The following PCNX2 variants were observed in gnomAD, a reference collection of about 807,000 sequenced individuals.
PCNX2 encodes the protein pecanex-like protein 2.
PCNX2 carries 168 observed loss-of-function variants against 223.8 expected under a neutral mutation model. That is an observed-to-expected ratio of 0.75 (90% CI 0.66 to 0.85). The LOEUF is 0.85. Among genes scored for constraint, PCNX2 ranks in the 40% least tolerant of loss-of-function variants. The pLI is 0.00. For synonymous variants in PCNX2, 1,006 were observed against 1,052.6 expected, an observed-to-expected ratio of 0.96 and a Z score of 0.86; for missense variants, 2,507 against 2,675.5, an observed-to-expected ratio of 0.94 and a Z score of 1.39.
At chr1:233,046,561 T>C (rs1027476635) in intron 25 of PCNX2, among the ~76,000 whole-genome samples, 1 of 152,184 alleles carries the variant, frequency 6.6e-6, no homozygotes, top group African/African-American at 2.4e-5. Flanking sequence ...GTGAGTGGTA[T>C]TGGGGCAAGG....
chr1:233,232,764 G>C (rs1658145525), intron 9 of PCNX2: 1 of 969,190 alleles, frequency 1.0e-6, no homozygotes, highest in African/African-American at 1.8e-5. Context: ...TATCTACCTA[G>C]AATAACAGTC....
In PCNX2 at chr1:233,258,372, G is replaced by A. The variant is rs887203460; in HGVS notation, c.1490C>T (p.Thr497Ile). The change falls in exon 5 of 34, where the codon ACA becomes ATA. Residue 497 changes from threonine to isoleucine, a missense_variant. Physicochemically the swap from Thr to Ile is moderately conservative, Grantham distance 89. Around this residue, in one of 3 missense-constraint regions of PCNX2, gnomAD observed 1,031 missense variants for 1,021.7 expected, o/e 1.01. Transcript: ENST00000258229. ...CTTAGACTCGGAGCCTGTATCAGGT[G>A]TAAGCCGGGACACCGATTCCCAGGG... ...REPWESVSRL[T>I]PDTGSESKVG... is the part of the protein sequence containing the mutation. The A allele has an allele frequency of 3.7e-6, 6 of 1,613,888 alleles. No homozygotes were observed. The highest frequency in any genetic ancestry group is 4.5e-5 in the East Asian group (2 of 44,874).
chr1:232,985,749 A>G (rs570377932), intron 33 of PCNX2: 4 of 556,720 alleles, frequency 7.2e-6, no homozygotes, highest in Admixed American at 3.3e-5. Flanking sequence ...GAATCATGTG[A>G]GAAGAGTCCT....
At chr1:233,295,890 CTCTCTCTCTTTT>C (rs1208713008), upstream of PCNX2, among the ~76,000 whole-genome samples, 2 of 151,872 alleles carry the variant, frequency 1.3e-5, no homozygotes, top group Non-Finnish European at 2.9e-5. The surrounding 1 kb of genome is among the most constrained non-coding windows in gnomAD (Gnocchi z 4.1). Context: ...CTCTTTCTTT[CTCTCTCTCTTTT>C]TCCTTCCTCC....
chr1:233,068,159 A>AC (rs1672700176), intron 23 of PCNX2, among the ~76,000 whole-genome samples: 1 of 152,226 alleles, frequency 6.6e-6, no homozygotes, highest in African/African-American at 2.4e-5. Flanking sequence ...GAAATAGCAC[A>AC]ATATGTTTTT....
intron 23 of PCNX2, among the ~76,000 whole-genome samples, chr1:233,059,813 T>C (rs904360489): frequency 2.0e-5 from 3 of 152,238 alleles, no homozygotes; most frequent in Non-Finnish European, 2.9e-5. Context: ...TGACATATTC[T>C]GTATAATTTA....
At chr1:233,118,148 TC>T (rs1319864713) in intron 21 of PCNX2, among the ~76,000 whole-genome samples, 1 of 152,060 alleles carries the variant, frequency 6.6e-6, no homozygotes, top group Non-Finnish European at 1.5e-5. Context: ...CAGAATTACA[TC>T]ACCCAATATA....
chr1:233,227,481 AATT>A, intron 9 of PCNX2, 110 bp from the exon 10 acceptor site: 1 of 965,900 alleles, frequency 1.0e-6, no homozygotes, highest in Non-Finnish European at 1.4e-6. Context: ...TGTACACCAT[AATT>A]TAAAAATACA....
intron 1 of PCNX2, among the ~76,000 whole-genome samples, chr1:233,294,890 AG>A (rs1192826860): frequency 6.6e-6 from 1 of 152,160 alleles, no homozygotes; most frequent in East Asian, 1.9e-4. Context: ...AAAGAAGGTG[AG>A]GGGGGAAAAA....
At chr1:233,224,772 A>C (rs985111494) in intron 10 of PCNX2, among the ~76,000 whole-genome samples, 1 of 152,098 alleles carries the variant, frequency 6.6e-6, no homozygotes, top group African/African-American at 2.4e-5. Context: ...AATCCTGCTA[A>C]CTGATGACTT....
At chr1:233,281,078 G>T (rs981649928) in intron 1 of PCNX2, among the ~76,000 whole-genome samples, 1 of 152,180 alleles carries the variant, frequency 6.6e-6, no homozygotes, top group African/African-American at 2.4e-5. Flanking sequence ...CACAGCAAGT[G>T]TTTTATTGCC....
In PCNX2 at chr1:232,986,175, C is replaced by CT; in HGVS notation, c.6156_6157insA (p.Gly2053ArgfsTer5). ...GATGACTGGGTGTCACTGGTATTGCCCCCCTCCGCAGCAGAGAGTCCGGAA... is the reference window on the plus strand; with the variant it reads ...GATGACTGGGTGTCACTGGTATTGCCTCCCCTCCGCAGCAGAGAGTCCGGAA... On this transcript the variant is annotated frameshift_variant, in exon 33 of 34. Transcript: ENST00000258229. LOFTEE classifies it high-confidence loss of function. 6.4e-7 allele frequency: 1 copy of CT among 1,563,954 alleles called. No individual in the cohort carries two copies. The highest frequency in any genetic ancestry group is 8.7e-7 in the Non-Finnish European group (1 of 1,153,514).
At position 233,177,664 on chromosome 1, in the gene PCNX2, T is replaced by C. The variant is rs545758953; in HGVS notation, c.3273+138A>G. 3.6e-5 allele frequency: 23 copies of C among 645,154 alleles called. No homozygotes were observed. The African/African-American group carries it at 4.1e-4, about 11-fold the overall frequency. The allele number at this position is 645,154 out of a possible 1,614,324, so 40.0% of individuals were successfully genotyped here. A position where few individuals can be genotyped will look rare whatever the true frequency, so the allele number is the denominator to read the frequency against. On this transcript the variant is annotated intron_variant, in intron 17 of 33. Coordinates refer to ENST00000258229, the MANE Select transcript of PCNX2 (RefSeq NM_014801.4). ...CCTGGCAGGCAGCTCAACAGCCCAG[T>C]GTGCCAGGTACCAAGCGAGGTGTAT...
At chr1:233,209,283 C>A (rs1572081895) in intron 12 of PCNX2, among the ~76,000 whole-genome samples, 1 of 152,106 alleles carries the variant, frequency 6.6e-6, no homozygotes, top group Non-Finnish European at 1.5e-5. Context: ...GTGAGGGATA[C>A]CAAATATTTA....
At chr1:233,259,509 A>C (rs892889523) in intron 4 of PCNX2, among the ~76,000 whole-genome samples, 165 bp from the exon 5 acceptor site, 1 of 152,174 alleles carries the variant, frequency 6.6e-6, no homozygotes, top group Non-Finnish European at 1.5e-5. Flanking sequence ...CAGAACATGC[A>C]GGTTTGTTAC....
chr1:233,323,583 A>T, the PCNX2 span, among the ~76,000 whole-genome samples: 4 of 152,174 alleles, frequency 2.6e-5, no homozygotes, highest in African/African-American at 9.7e-5. Flanking sequence ...CATTACTATG[A>T]TATGTATTAT....
intron 23 of PCNX2, among the ~76,000 whole-genome samples, chr1:233,070,945 G>A (rs1298626411): frequency 5.3e-5 from 8 of 152,206 alleles, no homozygotes; most frequent in African/African-American, 2.4e-5. Context: ...GCTGAGGCAG[G>A]AGAATGGGTG....
chr1:233,077,575 CTCTT>C (rs1396787967), intron 23 of PCNX2, among the ~76,000 whole-genome samples: 1 of 152,152 alleles, frequency 6.6e-6, no homozygotes, highest in Admixed American at 6.5e-5. Flanking sequence ...ACTAAGATCT[CTCTT>C]TCCTTCCTTT....
chr1:233,069,815 A>G (rs1431792686), intron 23 of PCNX2, among the ~76,000 whole-genome samples: 4 of 152,114 alleles, frequency 2.6e-5, no homozygotes, highest in Non-Finnish European at 4.4e-5. Flanking sequence ...CTATGGTCCC[A>G]CCCAAAAAAT....
Sources: gnomAD v4.1 joint callset for allele counts (sites outside exome capture counted in the v4.1 genomes callset) on GRCh38, gnomAD v4.1.1 for gene constraint, gnomAD v4.1.1 regional missense constraint, Gnocchi (gnomAD v3.1) non-coding constraint, MANE v1.5 for transcripts, NCBI Gene and HGNC (gene_info 2026-07-23, HGNC 2026-07-21) for gene names.